The following GRM1 variants were observed in gnomAD, a reference collection of about 807,000 sequenced individuals.
The protein encoded by GRM1 is glutamate metabotropic receptor 1.
A neutral mutation model predicts 90.9 loss-of-function variants in GRM1; 33 were observed. The observed-to-expected ratio is 0.36, with a 90% CI of 0.28 to 0.49. The LOEUF (loss-of-function observed/expected upper bound fraction) is 0.49. Ranked by LOEUF, GRM1 falls within the 20% of genes least tolerant of loss-of-function variation. GRM1 has a pLI of 0.99. For missense variants in GRM1, 1,190 were observed against 1,534.3 expected (o/e 0.78, Z 3.75); for synonymous variants, 700 against 613.2 (o/e 1.14, Z -2.09).
intron 3 of GRM1, among the ~76,000 whole-genome samples, chr6:146,339,279 C>T (rs1198659210): frequency 6.6e-6 from 1 of 152,180 alleles, no homozygotes; most frequent in East Asian, 1.9e-4. Context: ...TTCCCTTCCA[C>T]CCAAACTCAA....
Position 146,306,378 on chromosome 6 carries a change from T to C in GRM1, c.1186+1532T>C, listed in dbSNP as rs554375950. On this transcript the variant is annotated intron_variant, in intron 3 of 7. Coordinates refer to ENST00000282753, the MANE Select transcript of GRM1 (RefSeq NM_001278064.2). ...GATGAGGGTGAACAGGGGAAACAGTTTCCCTAGGCTCATAAGGTTAATGGC... is the reference window on the plus strand; with the variant it reads ...GATGAGGGTGAACAGGGGAAACAGTCTCCCTAGGCTCATAAGGTTAATGGC... Among the ~76,000 whole-genome samples the C allele has an allele frequency of 1.6e-4, 25 of 152,288 alleles. No individual in the cohort carries two copies. In the South Asian group the frequency reaches 2.1e-3, roughly 13 times the overall value.
At chr6:146,210,427 T>A (rs1268872900) in intron 2 of GRM1, among the ~76,000 whole-genome samples, 1 of 152,190 alleles carries the variant, frequency 6.6e-6, no homozygotes, top group African/African-American at 2.4e-5. Flanking sequence ...TGAAACTAAT[T>A]ATGCTTATTA....
At chr6:146,327,127 T>C (rs1050991308) in intron 3 of GRM1, among the ~76,000 whole-genome samples, 1 of 152,182 alleles carries the variant, frequency 6.6e-6, no homozygotes, top group African/African-American at 2.4e-5. Context: ...CCATCTGCTA[T>C]TCATAGTTTC....
At chr6:146,095,040 A>G (rs997007546) in intron 1 of GRM1, among the ~76,000 whole-genome samples, 2 of 152,176 alleles carry the variant, frequency 1.3e-5, no homozygotes, top group African/African-American at 2.4e-5. Flanking sequence ...CAGCACTAAT[A>G]TGAATGTATA....
At chr6:146,354,480 T>C (rs1001964015) in intron 4 of GRM1, among the ~76,000 whole-genome samples, 2 of 152,230 alleles carry the variant, frequency 1.3e-5, no homozygotes, top group South Asian at 4.1e-4. Flanking sequence ...CTACAAGTTA[T>C]CTAAAATGTC....
At chr6:146,195,196 G>A (rs989199351) in intron 2 of GRM1, among the ~76,000 whole-genome samples, 1 of 152,138 alleles carries the variant, frequency 6.6e-6, no homozygotes, top group African/African-American at 2.4e-5. Flanking sequence ...AACAGGAACA[G>A]GAAGCTAAGA....
intron 2 of GRM1, among the ~76,000 whole-genome samples, chr6:146,230,650 G>A (rs902158091): frequency 1.3e-5 from 2 of 152,066 alleles, no homozygotes; most frequent in African/African-American, 4.8e-5. Context: ...CAATCTAGCA[G>A]TCACACTCTT....
intron 2 of GRM1, among the ~76,000 whole-genome samples, chr6:146,203,050 C>T (rs1005788917): frequency 2.6e-5 from 4 of 151,898 alleles, no homozygotes; most frequent in East Asian, 1.9e-4. Context: ...AAAAATTAGC[C>T]GGGCGTGGTG....
At chr6:146,054,307 T>A (rs2128850274) in intron 1 of GRM1, among the ~76,000 whole-genome samples, 1 of 152,256 alleles carries the variant, frequency 6.6e-6, no homozygotes, top group South Asian at 2.1e-4. Flanking sequence ...TTACATTCTC[T>A]GGATGATTGG....
At chr6:146,374,972 G>GT (rs1348812137) in intron 5 of GRM1, among the ~76,000 whole-genome samples, 1 of 151,654 alleles carries the variant, frequency 6.6e-6, no homozygotes, top group Admixed American at 6.6e-5. Context: ...TTCATTTAAA[G>GT]TTTTTTTCTC....
chr6:146,214,095 G>A (rs965368566), intron 2 of GRM1, among the ~76,000 whole-genome samples: 3 of 151,956 alleles, frequency 2.0e-5, no homozygotes, highest in Admixed American at 1.3e-4. Flanking sequence ...TAATTGAATG[G>A]TGCCTGGCCA....
chr6:146,377,436 T>A (rs1482925031), intron 5 of GRM1, among the ~76,000 whole-genome samples: 1 of 152,144 alleles, frequency 6.6e-6, no homozygotes, highest in African/African-American at 2.4e-5. Context: ...ACTTTTGCTA[T>A]ACAAAGAGAC....
intron 1 of GRM1, among the ~76,000 whole-genome samples, chr6:146,068,600 A>G (rs963831029): frequency 6.6e-6 from 1 of 152,214 alleles, no homozygotes; most frequent in African/African-American, 2.4e-5. Flanking sequence ...TAATCTACAG[A>G]ATGAATAATC....
chr6:146,358,983 C>T (rs1160839527), intron 5 of GRM1, among the ~76,000 whole-genome samples: 1 of 152,178 alleles, frequency 6.6e-6, no homozygotes, highest in Non-Finnish European at 1.5e-5. Context: ...TGACACAGTA[C>T]TGGAGGCCTC....
At chr6:146,038,950 A>G (rs1790995043) in intron 1 of GRM1, among the ~76,000 whole-genome samples, 1 of 151,896 alleles carries the variant, frequency 6.6e-6, no homozygotes, top group South Asian at 2.1e-4. Flanking sequence ...TTTTTTTTCG[A>G]TAAATAAATA....
In GRM1 at chr6:146,029,239, T is replaced by G. The variant is rs1280323072; in HGVS notation, c.-279T>G. 4 of 506,880 alleles carry G rather than the reference T, an allele frequency of 7.9e-6. No homozygotes were observed. The South Asian group carries it at 8.3e-5, about 10-fold the overall frequency. 31.4% of individuals were successfully genotyped at this position (506,880 alleles called of 1,614,324 possible). On this transcript the variant is annotated 5_prime_UTR_variant, in exon 1 of 8. Coordinates refer to ENST00000282753, the MANE Select transcript of GRM1 (RefSeq NM_001278064.2). Reference sequence around the variant, plus strand: ...GCCAACACGACTTCCACTGTACTCTTGATCAATTTACCTTGATGCACTACC... The same window carrying G: ...GCCAACACGACTTCCACTGTACTCTGGATCAATTTACCTTGATGCACTACC...
chr6:146,393,404 G>C (rs928510922), intron 6 of GRM1, among the ~76,000 whole-genome samples: 1 of 151,778 alleles, frequency 6.6e-6, no homozygotes, highest in African/African-American at 2.4e-5. Flanking sequence ...GTAAATTAAA[G>C]TTCCTTGTAG....
chr6:146,073,977 T>C (rs1776100702), intron 1 of GRM1, among the ~76,000 whole-genome samples: 1 of 152,134 alleles, frequency 6.6e-6, no homozygotes, highest in Admixed American at 6.6e-5. Flanking sequence ...AAAATGGTAG[T>C]TAACATAATG....
chr6:146,118,418 C>T (rs548478366), intron 1 of GRM1, among the ~76,000 whole-genome samples: 4 of 152,240 alleles, frequency 2.6e-5, no homozygotes, highest in Admixed American at 6.5e-5. Flanking sequence ...GGATTACAGG[C>T]GTGAACCACT....
Sources: gnomAD v4.1 joint callset for allele counts (sites outside exome capture counted in the v4.1 genomes callset) on GRCh38, gnomAD v4.1.1 for gene constraint, MANE v1.5 for transcripts, NCBI Gene and HGNC (gene_info 2026-07-23, HGNC 2026-07-21) for gene names.